Variants in TTC6 observed in about 807,000 individuals in gnomAD.
TTC6 encodes the protein tetratricopeptide repeat domain 6.
TTC6 carries 172 observed loss-of-function variants against 210.4 expected under a neutral mutation model. That is an observed-to-expected ratio of 0.82 (90% confidence interval 0.72 to 0.93). TTC6 has a LOEUF of 0.93. TTC6 is among the 40% of genes least tolerant of loss of function. TTC6 has a pLI of 0.00. For missense variants in TTC6, 2,414 were observed against 2,318.1 expected (o/e 1.04, Z -0.85); for synonymous variants, 804 against 819.6 (o/e 0.98, Z 0.32).
At chr14:37,680,099 G>A (rs1595096391) in intron 1 of TTC6, 52 bp from the exon 4 acceptor site, 1 of 1,022,530 alleles carries the variant, frequency 9.8e-7, no homozygotes, top group Non-Finnish European at 1.4e-6. Flanking sequence ...TGAATAATGT[G>A]CTTCAATGAT....
At chr14:37,751,867 A>G (rs888453425) in intron 13 of TTC6, among the ~76,000 whole-genome samples, 2 of 130,738 alleles carry the variant, frequency 1.5e-5, no homozygotes, top group Admixed American at 9.7e-5. Flanking sequence ...GCTGTTGCCC[A>G]GGCTGGAGTG....
At chr14:37,783,746 C>G (rs1156447142) in intron 14 of TTC6, among the ~76,000 whole-genome samples, 1 of 148,626 alleles carries the variant, frequency 6.7e-6, no homozygotes, top group African/African-American at 2.4e-5. Flanking sequence ...TAGATCTTTC[C>G]TGCTTTCTCT....
intron 26 of TTC6, among the ~76,000 whole-genome samples, chr14:37,822,033 C>G (rs1476508501): frequency 2.6e-5 from 4 of 151,982 alleles, no homozygotes; most frequent in Non-Finnish European, 5.9e-5. Context: ...CCCACCTCAG[C>G]CTCCCAAAGT....
intron 1 of TTC6, among the ~76,000 whole-genome samples, chr14:37,658,408 A>G (rs1245688774): frequency 1.3e-5 from 2 of 152,104 alleles, no homozygotes; most frequent in Non-Finnish European, 2.9e-5. Context: ...GACATTGGCC[A>G]TTGTTACTTG....
intron 29 of TTC6, among the ~76,000 whole-genome samples, chr14:37,829,364 T>C (rs547105635): frequency 2.6e-5 from 4 of 152,032 alleles, no homozygotes; most frequent in Admixed American, 2.0e-4. Context: ...CCCTGGTTTT[T>C]TATTTTTTGG....
At chr14:37,770,205 G>A (rs2096013458) in intron 14 of TTC6, among the ~76,000 whole-genome samples, 1 of 152,088 alleles carries the variant, frequency 6.6e-6, no homozygotes, top group African/African-American at 2.4e-5. Context: ...CATTTGCTGA[G>A]GAGAGCTTTA....
chr14:37,606,965 T>C (rs1462934157), intron 2 of TTC6, among the ~76,000 whole-genome samples: 2 of 152,230 alleles, frequency 1.3e-5, no homozygotes, highest in African/African-American at 4.8e-5. Flanking sequence ...GCATTTGACA[T>C]AATTGTTAAA....
chr14:37,771,445 C>G (rs142310570), intron 14 of TTC6, among the ~76,000 whole-genome samples: 5,147 of 152,298 alleles, frequency 0.034, 141 homozygotes, highest in Non-Finnish European at 0.052. Flanking sequence ...GTACACCAAT[C>G]GGACGTAGAT....
At chr14:37,817,639 T>C in exon 26 of TTC6, 1 of 1,614,030 alleles carries the variant, frequency 6.2e-7, no homozygotes, top group Non-Finnish European at 8.5e-7. Flanking sequence ...GCCACTGCCA[T>C]GTGCCATCAC....
intron 6 of TTC6, 92 bp from the exon 9 acceptor site, chr14:37,724,806 A>G: frequency 7.3e-6 from 5 of 681,106 alleles, no homozygotes; most frequent in Non-Finnish European, 1.1e-5. Flanking sequence ...AAAAATTCTC[A>G]GCAACTAAAA....
chr14:37,672,420 G>A lies in TTC6; in HGVS notation c.940-7731G>A, dbSNP rs186881535. On this transcript the variant is annotated intron_variant, in intron 1 of 30. Coordinates refer to ENST00000553443, the Ensembl canonical transcript of TTC6. ...TGCATTTTGAAAAACATTATTCTTC[G>A]TCTGTTGTTTTCATCTCTCTAACTA... 2.9e-3 allele frequency among the ~76,000 whole-genome samples: 444 copies of A among 151,952 alleles called. 5 individuals are homozygous for A. The highest frequency in any genetic ancestry group is 0.01 in the African/African-American group (420 of 41,468).
At chr14:37,671,218 C>G (rs2095757519) in intron 1 of TTC6, among the ~76,000 whole-genome samples, 1 of 152,114 alleles carries the variant, frequency 6.6e-6, no homozygotes, top group African/African-American at 2.4e-5. Flanking sequence ...GGAGACCTCC[C>G]CATGGGACTG....
intron 8 of TTC6, among the ~76,000 whole-genome samples, chr14:37,736,276 A>G (rs1316974755): frequency 6.6e-6 from 1 of 152,060 alleles, no homozygotes; most frequent in Non-Finnish European, 1.5e-5. Context: ...TATCTCAGCT[A>G]CTTAGGGGGC....
At chr14:37,692,956 A>G (rs996291875) in intron 3 of TTC6, among the ~76,000 whole-genome samples, 1 of 152,166 alleles carries the variant, frequency 6.6e-6, no homozygotes, top group Admixed American at 6.5e-5. Context: ...GAATGGGGAA[A>G]ACTGAAAGCC....
chr14:37,842,082 T>A, intron 30 of TTC6, 73 bp from the exon 33 acceptor site: 2 of 1,228,006 alleles, frequency 1.6e-6, no homozygotes, highest in African/African-American at 3.1e-5. Flanking sequence ...TCTTATCCAA[T>A]TTTTTTTTGT....
intron 14 of TTC6, among the ~76,000 whole-genome samples, chr14:37,767,456 C>T (rs2096002938): frequency 1.3e-5 from 2 of 152,196 alleles, no homozygotes; most frequent in Non-Finnish European, 2.9e-5. Flanking sequence ...TCCTCTCCAG[C>T]ACCTGTTGTT....
At chr14:37,816,495 C>T (rs1483485862) in intron 25 of TTC6, among the ~76,000 whole-genome samples, 1 of 152,084 alleles carries the variant, frequency 6.6e-6, no homozygotes, top group African/African-American at 2.4e-5. Context: ...TTTCCTTTTG[C>T]CACTCCACAG....
At chr14:37,806,441 G>A (rs267603987) in exon 22 of TTC6, 3 of 1,535,518 alleles carry the variant, frequency 2.0e-6, no homozygotes, top group Non-Finnish European at 2.6e-6. Flanking sequence ...TTTGTAAAGT[G>A]AAACTCCACA....
chr14:37,804,650 T>A, intron 20 of TTC6, 30 bp from the exon 23 acceptor site: 1 of 1,602,404 alleles, frequency 6.2e-7, no homozygotes, highest in Non-Finnish European at 8.5e-7. Flanking sequence ...AAACATTTCT[T>A]GCCCCCTCCC....
Sources: gnomAD v4.1 joint callset for allele counts (sites outside exome capture counted in the v4.1 genomes callset) on GRCh38, gnomAD v4.1.1 for gene constraint, MANE v1.5 for transcripts, NCBI Gene and HGNC (gene_info 2026-07-23, HGNC 2026-07-21) for gene names.